WDFY3: variants seen among roughly 807,000 people sequenced by gnomAD.
The protein encoded by WDFY3 is WD repeat and FYVE domain containing 3.
In WDFY3, 66 loss-of-function variants were observed where a neutral mutation model predicts 409.6. That is an observed-to-expected ratio of 0.16 (90% CI 0.13 to 0.20). The LOEUF (loss-of-function observed/expected upper bound fraction) is 0.20. WDFY3 is among the 10% of genes least tolerant of loss of function. The pLI, the probability that WDFY3 is intolerant of heterozygous loss-of-function variation, is 1.00. For missense variants in WDFY3, 3,031 were observed against 4,298.1 expected, an observed-to-expected ratio of 0.71 and a Z score of 8.24; for synonymous variants, 1,521 against 1,537.1, an observed-to-expected ratio of 0.99 and a Z score of 0.25.
Position 84,794,586 on chromosome 4 carries a change from T to G in WDFY3, c.3420A>C (p.Ala1140=), listed in dbSNP as rs928097283. 2 of 1,614,126 alleles carry G rather than the reference T, an allele frequency of 1.2e-6. No individual in the cohort carries two copies. Among genetic ancestry groups the G allele is most frequent in the Non-Finnish European group, 1.7e-6 (2 of 1,180,002 alleles). ...NSSEQHYVCL[A]IVLSAKDRSL... is the part of the protein sequence containing the mutation. ...ATCGGTCTTTTGCTGATAGAACTAT[T>G]GCAAGGCACACGTAATGTTGCTCAG... The change falls in exon 21 of 68, where the codon GCA becomes GCC. Residue 1140 remains alanine, a synonymous_variant. Transcript: ENST00000295888.
chr4:84,952,809 G>A (rs1773777144), intron 1 of WDFY3, among the ~76,000 whole-genome samples: 1 of 152,008 alleles, frequency 6.6e-6, no homozygotes, highest in South Asian at 2.1e-4. Flanking sequence ...TGTCATTAAT[G>A]TAGCAGATCA....
chr4:84,751,244 G>T (rs1278780638), intron 36 of WDFY3: 2 of 550,726 alleles, frequency 3.6e-6, no homozygotes, highest in African/African-American at 3.8e-5. Context: ...AAGTTCGCCA[G>T]CTCTTAGAGA....
At chr4:84,877,507 C>T (rs554677277) in intron 3 of WDFY3, among the ~76,000 whole-genome samples, 1 of 152,216 alleles carries the variant, frequency 6.6e-6, no homozygotes, top group South Asian at 2.1e-4. Flanking sequence ...CTATGTTGCC[C>T]AGGCTGGTCT....
At chr4:84,931,158 T>A (rs765793530) in intron 2 of WDFY3, among the ~76,000 whole-genome samples, 2 of 152,196 alleles carry the variant, frequency 1.3e-5, no homozygotes, top group Non-Finnish European at 2.9e-5. Context: ...AACATATCCC[T>A]CTCTGATAAG....
intron 54 of WDFY3, 102 bp from the exon 55 acceptor site, chr4:84,704,546 G>C (rs1731599926): frequency 2.2e-6 from 2 of 913,420 alleles, no homozygotes; most frequent in Non-Finnish European, 3.3e-6. Flanking sequence ...TGTGATAACT[G>C]TAACACTAAA....
chr4:84,828,091 G>GAGGA (rs1314766760), intron 9 of WDFY3, among the ~76,000 whole-genome samples: 3 of 140,486 alleles, frequency 2.1e-5, no homozygotes, highest in African/African-American at 7.6e-5. Context: ...GGGAGGGAGG[G>GAGGA]AGGGAGGAAG....
chr4:84,825,724 T>C (rs889637820), intron 10 of WDFY3, among the ~76,000 whole-genome samples: 4 of 152,114 alleles, frequency 2.6e-5, no homozygotes, highest in African/African-American at 7.2e-5. Flanking sequence ...TTTAAATATG[T>C]ATTACAAATT....
At chr4:84,815,806 G>A (rs1753214618) in intron 13 of WDFY3, among the ~76,000 whole-genome samples, 1 of 152,086 alleles carries the variant, frequency 6.6e-6, no homozygotes, top group Non-Finnish European at 1.5e-5. Flanking sequence ...AGGGTCCATT[G>A]TAAAGCTAAT....
Position 84,810,074 on chromosome 4 carries a change from G to C in WDFY3, c.2158C>G (p.Arg720Gly). The change falls in exon 14 of 68, where the codon CGA (arginine) becomes GGA (glycine). Residue 720 changes from arginine to glycine, a missense_variant. Coordinates refer to ENST00000295888, the MANE Select transcript of WDFY3 (RefSeq NM_014991.6). ...AGGTCTGAGAAGCAGCCAAGAAATCGAACAGCATCTGCCAACTTCTCATAC... is the reference window on the plus strand; with the variant it reads ...AGGTCTGAGAAGCAGCCAAGAAATCCAACAGCATCTGCCAACTTCTCATAC... ...IQYEKLADAV[R>G]FLGCFSDLRK... The C allele has an allele frequency of 6.2e-7, 1 of 1,614,116 alleles. No individual in the cohort carries two copies. Among genetic ancestry groups the C allele is most frequent in the Non-Finnish European group, 8.5e-7 (1 of 1,180,008 alleles).
chr4:84,955,961 A>G (rs1029508944), intron 1 of WDFY3, among the ~76,000 whole-genome samples: 6 of 152,072 alleles, frequency 3.9e-5, no homozygotes, highest in African/African-American at 1.2e-4. Context: ...GTTAATGTGC[A>G]GATAAACAAA....
chr4:84,955,536 C>T (rs1388499448), intron 1 of WDFY3, among the ~76,000 whole-genome samples: 1 of 151,992 alleles, frequency 6.6e-6, no homozygotes, highest in Non-Finnish European at 1.5e-5. Context: ...CAACATTTTT[C>T]AAAATAAGGT....
intron 51 of WDFY3, among the ~76,000 whole-genome samples, chr4:84,711,532 C>G (rs1417389558): frequency 6.6e-6 from 1 of 152,060 alleles, no homozygotes; most frequent in Non-Finnish European, 1.5e-5. Context: ...AATCAGAAAA[C>G]ATTTTATAAA....
chr4:84,836,796 A>G (rs1756630518), intron 7 of WDFY3, 133 bp downstream of exon 7: 2 of 773,330 alleles, frequency 2.6e-6, no homozygotes, highest in East Asian at 3.4e-5. Flanking sequence ...TGACAATTAT[A>G]TGAGATAAAG....
At position 84,829,107 on chromosome 4, in the gene WDFY3, C is replaced by T. The variant is rs1755285173; in HGVS notation, c.853G>A (p.Gly285Arg). 2.5e-6 allele frequency: 4 copies of T among 1,613,688 alleles called. No homozygotes were observed. The highest frequency in any genetic ancestry group is 3.3e-5 in the Admixed American group (2 of 59,972). Reference sequence around the variant, plus strand: ...GAATCTTTGAGGAAACAAGAAAGCCCAGCAAACATTTCGACAATTTCTAGG... The same window carrying T: ...GAATCTTTGAGGAAACAAGAAAGCCTAGCAAACATTTCGACAATTTCTAGG... ...SPLEIVEMFA[G>R]LSCFLKDSSD... is the part of the protein sequence containing the mutation. Residue 285 changes from glycine to arginine, a missense_variant, in exon 9 of 68, where the codon GGG (glycine) becomes AGG (arginine). Around this residue, in one of 16 missense-constraint regions of WDFY3, gnomAD observed 1,322 missense variants for 1,697.9 expected, o/e 0.78. Coordinates refer to ENST00000295888, the MANE Select transcript of WDFY3 (RefSeq NM_014991.6).
intron 55 of WDFY3, among the ~76,000 whole-genome samples, 188 bp from the exon 56 acceptor site, chr4:84,702,694 AG>A (rs1731238238): frequency 1.3e-5 from 2 of 152,236 alleles, no homozygotes; most frequent in Admixed American, 1.3e-4. Flanking sequence ...ATCCTTACAG[AG>A]GGTTCTCTCT....
chr4:84,924,737 T>G (rs1481533985), intron 2 of WDFY3, among the ~76,000 whole-genome samples: 4 of 152,188 alleles, frequency 2.6e-5, no homozygotes, highest in Non-Finnish European at 2.9e-5. Context: ...AAAGGTATAC[T>G]TGAACAAGGC....
At chr4:84,925,715 C>A (rs548081421) in intron 2 of WDFY3, among the ~76,000 whole-genome samples, 20 of 152,116 alleles carry the variant, frequency 1.3e-4, no homozygotes, top group African/African-American at 4.6e-4. Flanking sequence ...ATACAGTGGT[C>A]ATGTAAACAA....
Position 84,810,122 on chromosome 4 carries a change from G to T in WDFY3, c.2110C>A (p.His704Asn), listed in dbSNP as rs745430556. 1 of 1,614,160 alleles carries T rather than the reference G, an allele frequency of 6.2e-7. No homozygotes were observed. The highest frequency in any genetic ancestry group is 2.2e-5 in the East Asian group (1 of 44,872). ...AAMRYEPANS[H>N]FFKTEIQYEK... is the part of the protein sequence containing the mutation. ...TACTGAATCTCTGTTTTGAAGAAATGAGAGTTGGCTGGCTCATAGCGCATT... is the reference window on the plus strand; with the variant it reads ...TACTGAATCTCTGTTTTGAAGAAATTAGAGTTGGCTGGCTCATAGCGCATT... The change falls in exon 14 of 68, where the codon CAT becomes AAT. Residue 704 changes from histidine to asparagine, a missense_variant. His to Asn is a moderately conservative substitution (Grantham distance 68, BLOSUM62 1). Coordinates refer to ENST00000295888, the MANE Select transcript of WDFY3 (RefSeq NM_014991.6).
chr4:84,956,796 T>C (rs1223071490), intron 1 of WDFY3, among the ~76,000 whole-genome samples: 2 of 152,106 alleles, frequency 1.3e-5, no homozygotes, highest in African/African-American at 4.8e-5. Context: ...TGGATCAGCA[T>C]AATGATAAAA....
Sources: gnomAD v4.1 joint callset for allele counts (sites outside exome capture counted in the v4.1 genomes callset) on GRCh38, gnomAD v4.1.1 for gene constraint, gnomAD v4.1.1 regional missense constraint, MANE v1.5 for transcripts, NCBI Gene and HGNC (gene_info 2026-07-23, HGNC 2026-07-21) for gene names.